Variants in POLA1 observed in about 807,000 individuals in gnomAD.
POLA1 encodes the protein DNA polymerase alpha catalytic subunit.
A neutral mutation model predicts 124.0 loss-of-function variants in POLA1; 15 were observed. The observed-to-expected ratio is 0.12, with a 90% CI of 0.08 to 0.19. POLA1 has a LOEUF of 0.19. Among genes scored for constraint, POLA1 ranks in the 10% least tolerant of loss-of-function variants. POLA1 has a pLI of 1.00. For missense variants in POLA1, 886 were observed against 1,103.4 expected (o/e 0.80, Z 2.79); for synonymous variants, 408 against 389.4 (o/e 1.05, Z -0.56).
chrX:24,881,925 G>A lies in POLA1; in HGVS notation c.4048-6081G>A, dbSNP rs780663949. The stretch of plus-strand genomic sequence containing the variant: ...TTGTGTAAGAGAATGATGAGAAAGG[G>A]CAGGGGAGTGGGATGAGGTTGTAAG... On this transcript the variant is annotated intron_variant, in intron 34 of 36. Coordinates refer to ENST00000379068, the MANE Select transcript of POLA1 (RefSeq NM_001330360.2). 3.6e-5 allele frequency among the ~76,000 whole-genome samples: 4 copies of A among 111,652 alleles called. No homozygotes were observed. In the East Asian group the frequency reaches 1.1e-3, roughly 31 times the overall value.
chrX:24,766,831 T>C (rs1375844603), intron 26 of POLA1, among the ~76,000 whole-genome samples: 1 of 111,923 alleles, frequency 8.9e-6, no homozygotes. Flanking sequence ...ATGGTAGGTG[T>C]AGGAGATATG....
chrX:24,895,095 G>A, intron 35 of POLA1, among the ~76,000 whole-genome samples: 1 of 111,375 alleles, frequency 9.0e-6, no homozygotes, highest in Non-Finnish European at 1.9e-5. Flanking sequence ...TTCTAATAAG[G>A]CCACATTCAT....
chrX:24,705,162 G>GTAT (rs1280006335), intron 4 of POLA1, among the ~76,000 whole-genome samples: 1 of 111,300 alleles, frequency 9.0e-6, no homozygotes, highest in Non-Finnish European at 1.9e-5. Flanking sequence ...CATATTTAAA[G>GTAT]TATACAATTC....
At chrX:24,890,898 G>A (rs754650157) in intron 35 of POLA1, among the ~76,000 whole-genome samples, 12 of 112,265 alleles carry the variant, frequency 1.1e-4, no homozygotes, top group East Asian at 2.8e-4. Flanking sequence ...TCATCAATCC[G>A]GTTGTAGGCT....
intron 35 of POLA1, among the ~76,000 whole-genome samples, chrX:24,913,901 G>A (rs183981133): frequency 9.3e-6 from 1 of 107,769 alleles, no homozygotes; most frequent in African/African-American, 3.4e-5. Flanking sequence ...GGTGGCATGC[G>A]TGTGTAATCC....
chrX:24,977,078 C>T, intron 36 of POLA1, among the ~76,000 whole-genome samples: 1 of 112,319 alleles, frequency 8.9e-6, no homozygotes, highest in Middle Eastern at 4.6e-3. Flanking sequence ...CAGCTGTTAT[C>T]CTGGGAATCT....
chrX:24,759,390 GT>G (rs1194592949), intron 26 of POLA1, among the ~76,000 whole-genome samples: 1 of 111,912 alleles, frequency 8.9e-6, no homozygotes, highest in East Asian at 2.8e-4. Flanking sequence ...CATTTCAGAT[GT>G]TTTTTTGTTC....
intron 10 of POLA1, among the ~76,000 whole-genome samples, chrX:24,722,737 G>C (rs1351273764): frequency 1.8e-5 from 2 of 109,333 alleles, no homozygotes; most frequent in Non-Finnish European, 3.8e-5. Context: ...TTTTTTTCTT[G>C]AGACAGGGTT....
chrX:24,712,432 A>G (rs755919515), intron 4 of POLA1, among the ~76,000 whole-genome samples: 1 of 111,941 alleles, frequency 8.9e-6, no homozygotes, highest in Non-Finnish European at 1.9e-5. Context: ...TTTTCATAAA[A>G]CGTAACTATT....
chrX:24,866,146 C>A (rs1323932148), intron 34 of POLA1, among the ~76,000 whole-genome samples: 1 of 112,141 alleles, frequency 8.9e-6, no homozygotes, highest in Non-Finnish European at 1.9e-5. Context: ...GTTTAGAACC[C>A]TGCTTTCCGT....
chrX:24,962,498 TTACTA>T (rs768468220), intron 36 of POLA1, among the ~76,000 whole-genome samples: 15 of 112,225 alleles, frequency 1.3e-4, no homozygotes, highest in African/African-American at 4.2e-4. Context: ...TATTGAGTGT[TTACTA>T]TATGTTTTAG....
intron 36 of POLA1, among the ~76,000 whole-genome samples, chrX:24,985,944 G>A (rs978136293): frequency 7.2e-5 from 8 of 111,471 alleles, no homozygotes; most frequent in African/African-American, 2.3e-4. Context: ...GACTGAGGTG[G>A]GCAGATCACC....
chrX:24,698,781 G>T (rs896594546), intron 1 of POLA1, among the ~76,000 whole-genome samples: 2 of 111,038 alleles, frequency 1.8e-5, no homozygotes, highest in Non-Finnish European at 3.8e-5. Context: ...AGCCTCCCAA[G>T]TAGCTGGGGT....
Position 24,800,329 on chromosome X carries a change from G to A in POLA1, c.2965-9569G>A, listed in dbSNP as rs1230496461. On this transcript the variant is annotated intron_variant, in intron 26 of 36. Coordinates refer to ENST00000379068, the MANE Select transcript of POLA1 (RefSeq NM_001330360.2). ...GGATCTTCTTTCTAGAAAAATGCAC[G>A]TAAGCACACATTCAAATCTTTGCTG... 4.5e-5 allele frequency among the ~76,000 whole-genome samples: 5 copies of A among 112,265 alleles called. No homozygotes were observed. In the South Asian group the frequency reaches 1.5e-3, roughly 33 times the overall value.
intron 34 of POLA1, among the ~76,000 whole-genome samples, chrX:24,876,258 C>A (rs2046930307): frequency 8.9e-6 from 1 of 112,076 alleles, no homozygotes; most frequent in African/African-American, 3.2e-5. Context: ...GACAGTACTA[C>A]AGTTAATAAT....
At chrX:24,971,260 A>G (rs1363557482) in intron 36 of POLA1, among the ~76,000 whole-genome samples, 1 of 111,630 alleles carries the variant, frequency 9.0e-6, no homozygotes, top group African/African-American at 3.3e-5. Flanking sequence ...CTGGGAGTGT[A>G]TCTGTTTGCT....
chrX:24,977,935 AC>A (rs1263000129), intron 36 of POLA1, among the ~76,000 whole-genome samples: 1 of 110,879 alleles, frequency 9.0e-6, no homozygotes, highest in African/African-American at 3.3e-5. Context: ...TATACTTTGA[AC>A]CGGTCTTCAC....
intron 4 of POLA1, among the ~76,000 whole-genome samples, chrX:24,708,209 C>T (rs1928941289): frequency 9.0e-6 from 1 of 110,783 alleles, no homozygotes; most frequent in Non-Finnish European, 1.9e-5. Context: ...CTCTGTTGAC[C>T]TCCTCTGTTC....
chrX:24,820,495 G>C (rs754851983), intron 30 of POLA1, among the ~76,000 whole-genome samples: 1 of 111,079 alleles, frequency 9.0e-6, no homozygotes, highest in Admixed American at 9.5e-5. Context: ...AATAGAATGC[G>C]TTTTTTTCTC....
Sources: allele counts gnomAD v4.1 joint callset (sites outside exome capture counted in the v4.1 genomes callset), GRCh38; gene constraint gnomAD v4.1.1; transcripts MANE v1.5; gene names NCBI Gene and HGNC (gene_info 2026-07-23, HGNC 2026-07-21).